THSD7B: variants seen among roughly 807,000 people sequenced by gnomAD.
The protein encoded by THSD7B is thrombospondin type-1 domain-containing protein 7B.
Under a neutral mutation model 213.6 loss-of-function variants are expected in THSD7B, and 138 were observed. The observed-to-expected ratio is 0.65, with a 90% CI of 0.56 to 0.74. The LOEUF is 0.74. THSD7B is among the 30% of genes least tolerant of loss of function. The pLI is 0.00. For synonymous variants in THSD7B, 742 were observed against 687.0 expected, an observed-to-expected ratio of 1.08 and a Z score of -1.25; for missense variants, 1,931 against 1,991.5, an observed-to-expected ratio of 0.97 and a Z score of 0.58.
intron 2 of THSD7B, among the ~76,000 whole-genome samples, chr2:137,015,223 C>T (rs968157953): frequency 2.6e-5 from 4 of 152,118 alleles, no homozygotes; most frequent in East Asian, 1.9e-4. Context: ...CTAGAGGACA[C>T]GTGTCTCATT....
chr2:136,978,456 T>C (rs1185845900), intron 2 of THSD7B, among the ~76,000 whole-genome samples: 1 of 152,226 alleles, frequency 6.6e-6, no homozygotes, highest in Non-Finnish European at 1.5e-5. Flanking sequence ...TAACTTGTTT[T>C]ATGAATCTAG....
chr2:136,864,539 C>T (rs1414124926), intron 1 of THSD7B, among the ~76,000 whole-genome samples: 1 of 151,906 alleles, frequency 6.6e-6, no homozygotes, highest in Non-Finnish European at 1.5e-5. Context: ...TCTTTTTTAT[C>T]ATTTTCTATA....
chr2:136,858,837 T>A (rs894162227), intron 1 of THSD7B, among the ~76,000 whole-genome samples: 1 of 152,216 alleles, frequency 6.6e-6, no homozygotes. Context: ...TGCGCCCTTA[T>A]TGAATTATTT....
intron 2 of THSD7B, among the ~76,000 whole-genome samples, chr2:136,916,063 T>A (rs529719397): frequency 1.1e-3 from 167 of 152,316 alleles, no homozygotes; most frequent in South Asian, 7.3e-3. Flanking sequence ...TAGTAATTGG[T>A]CTAAATTTTG....
intron 7 of THSD7B, among the ~76,000 whole-genome samples, chr2:137,224,675 C>T (rs1397457439): frequency 2.0e-5 from 3 of 151,932 alleles, no homozygotes; most frequent in Non-Finnish European, 2.9e-5. Flanking sequence ...TTATTATTAT[C>T]ATTATTATTA....
At chr2:137,598,689 T>C (rs1682012732) in intron 17 of THSD7B, among the ~76,000 whole-genome samples, 2 of 152,216 alleles carry the variant, frequency 1.3e-5, no homozygotes, top group South Asian at 4.1e-4. Flanking sequence ...TGTTAATGTG[T>C]TAGAACAGTT....
chr2:137,303,356 C>A (rs961464340), intron 12 of THSD7B, among the ~76,000 whole-genome samples: 4 of 152,112 alleles, frequency 2.6e-5, no homozygotes, highest in Admixed American at 6.5e-5. Context: ...GTACTATGAC[C>A]TTTGCAATTT....
chr2:137,129,969 A>G (rs1351323130), intron 5 of THSD7B, among the ~76,000 whole-genome samples: 1 of 152,174 alleles, frequency 6.6e-6, no homozygotes, highest in Admixed American at 6.5e-5. Flanking sequence ...TATACTTGAC[A>G]TTTGGTGTTG....
chr2:137,173,931 G>A (rs1680313942), intron 7 of THSD7B, among the ~76,000 whole-genome samples: 1 of 152,064 alleles, frequency 6.6e-6, no homozygotes, highest in African/African-American at 2.4e-5. Context: ...GATATACAGT[G>A]TCCTTTGATT....
intron 26 of THSD7B, among the ~76,000 whole-genome samples, chr2:137,666,754 C>G (rs1364283453): frequency 2.0e-5 from 3 of 151,846 alleles, no homozygotes; most frequent in African/African-American, 7.3e-5. Context: ...ATTAGAGTGA[C>G]AGAAACAACT....
intron 12 of THSD7B, among the ~76,000 whole-genome samples, chr2:137,403,196 G>C (rs553476880): frequency 3.3e-5 from 5 of 152,272 alleles, no homozygotes; most frequent in Admixed American, 3.3e-4. Flanking sequence ...AAACTGGAAA[G>C]TATTGTGTGT....
At chr2:136,896,925 G>A (rs1288233857) in intron 2 of THSD7B, among the ~76,000 whole-genome samples, 3 of 150,994 alleles carry the variant, frequency 2.0e-5, no homozygotes, top group African/African-American at 7.3e-5. Flanking sequence ...CCTTATGCCA[G>A]TACTATATAC....
At chr2:137,448,003 C>T (rs1687574422) in intron 14 of THSD7B, among the ~76,000 whole-genome samples, 1 of 152,100 alleles carries the variant, frequency 6.6e-6, no homozygotes, top group Non-Finnish European at 1.5e-5. Context: ...TCATCCATTT[C>T]TTGCTATTTT....
chr2:137,170,079 G>C (rs948210676), intron 6 of THSD7B, among the ~76,000 whole-genome samples: 2 of 152,164 alleles, frequency 1.3e-5, no homozygotes, highest in East Asian at 3.9e-4. Flanking sequence ...TGACTCTCTG[G>C]GCCCATAGCA....
At chr2:137,544,496 A>T (rs1680670678) in intron 15 of THSD7B, among the ~76,000 whole-genome samples, 1 of 151,730 alleles carries the variant, frequency 6.6e-6, no homozygotes, top group South Asian at 2.1e-4. Flanking sequence ...TCTTTTAGCG[A>T]TGAGGAAATA....
chr2:137,481,841 T>C (rs1688314609), intron 15 of THSD7B, among the ~76,000 whole-genome samples: 1 of 152,172 alleles, frequency 6.6e-6, no homozygotes, highest in Admixed American at 6.5e-5. Flanking sequence ...CTTATAATTT[T>C]AAATGGCATT....
chr2:137,134,741 G>A (rs1480974443), intron 5 of THSD7B, among the ~76,000 whole-genome samples: 1 of 152,146 alleles, frequency 6.6e-6, no homozygotes, highest in Non-Finnish European at 1.5e-5. Context: ...TGGAACAAGA[G>A]GCTCAATTTT....
intron 2 of THSD7B, among the ~76,000 whole-genome samples, chr2:136,916,792 G>A (rs1445712637): frequency 1.3e-5 from 2 of 152,110 alleles, no homozygotes; most frequent in African/African-American, 2.4e-5. Flanking sequence ...ACACTCATAG[G>A]TAGTGATGGA....
chr2:136,985,965 C>A (rs979745835), intron 2 of THSD7B, among the ~76,000 whole-genome samples: 2 of 152,180 alleles, frequency 1.3e-5, no homozygotes, highest in African/African-American at 4.8e-5. Flanking sequence ...TAATGACTGC[C>A]CTCCTGGGTT....
Sources: allele counts gnomAD v4.1 joint callset (sites outside exome capture counted in the v4.1 genomes callset), GRCh38; gene constraint gnomAD v4.1.1; transcripts MANE v1.5; gene names NCBI Gene and HGNC (gene_info 2026-07-23, HGNC 2026-07-21).